Variants in GPC6 observed in about 807,000 individuals in gnomAD.
GPC6 encodes glypican 6, also known as glypican-6.
Under a neutral mutation model 55.2 loss-of-function variants are expected in GPC6, and 14 were observed. The observed-to-expected ratio is 0.25, with a 90% CI of 0.17 to 0.40. The LOEUF is 0.40. Among genes scored for constraint, GPC6 ranks in the 10% least tolerant of loss-of-function variants. GPC6 has a pLI of 1.00. For synonymous variants in GPC6, 278 were observed against 259.6 expected (o/e 1.07, Z -0.68); for missense variants, 641 against 708.5 (o/e 0.90, Z 1.08).
intron 2 of GPC6, among the ~76,000 whole-genome samples, chr13:93,644,263 A>C (rs1429203892): frequency 6.6e-6 from 1 of 152,082 alleles, no homozygotes; most frequent in Non-Finnish European, 1.5e-5. Context: ...AAAAATGCTA[A>C]ATAAGGTCAT....
intron 6 of GPC6, among the ~76,000 whole-genome samples, chr13:94,329,569 G>A (rs1480971428): frequency 6.6e-6 from 1 of 152,198 alleles, no homozygotes; most frequent in Non-Finnish European, 1.5e-5. Context: ...AGGATCTGCA[G>A]ACAGTGAGAA....
chr13:93,700,642 T>C (rs961048279), intron 2 of GPC6, among the ~76,000 whole-genome samples: 7 of 152,146 alleles, frequency 4.6e-5, no homozygotes, highest in African/African-American at 9.6e-5. Flanking sequence ...GAGTAAGGTT[T>C]GATCTTACAT....
At chr13:93,474,573 C>T (rs1016440673) in intron 1 of GPC6, among the ~76,000 whole-genome samples, 1 of 152,158 alleles carries the variant, frequency 6.6e-6, no homozygotes, top group Admixed American at 6.5e-5. Context: ...TTGGTCCTAC[C>T]TTCTGGAACC....
chr13:93,905,288 G>T (rs1876605070), intron 3 of GPC6, among the ~76,000 whole-genome samples: 1 of 152,058 alleles, frequency 6.6e-6, no homozygotes, highest in Admixed American at 6.6e-5. Flanking sequence ...TGGATAAGTA[G>T]TTTAACCTTA....
intron 4 of GPC6, among the ~76,000 whole-genome samples, chr13:94,184,693 G>T (rs892650810): frequency 6.6e-6 from 1 of 152,158 alleles, no homozygotes; most frequent in African/African-American, 2.4e-5. Flanking sequence ...CTGTCGGTGG[G>T]AATGTAAATT....
Position 94,157,750 on chromosome 13 carries a change from T to G in GPC6, c.878-128599T>G, listed in dbSNP as rs576179283. On this transcript the variant is annotated intron_variant, in intron 4 of 8. Coordinates refer to ENST00000377047, the MANE Select transcript of GPC6 (RefSeq NM_005708.5). Reference sequence around the variant, plus strand: ...CCTAACAGCAGTGTGCACACTACACTGGAGGAATGAAAACTGGAAGGCAGG... The same window carrying G: ...CCTAACAGCAGTGTGCACACTACACGGGAGGAATGAAAACTGGAAGGCAGG... 3.9e-5 allele frequency among the ~76,000 whole-genome samples: 6 copies of G among 152,198 alleles called. No individual in the cohort carries two copies. The South Asian group carries it at 1.2e-3, about 32-fold the overall frequency.
intron 1 of GPC6, among the ~76,000 whole-genome samples, chr13:93,448,284 A>G (rs1878087892): frequency 6.6e-6 from 1 of 152,200 alleles, no homozygotes; most frequent in African/African-American, 2.4e-5. Flanking sequence ...TCCTTACATT[A>G]TTCAATAGAA....
chr13:93,904,482 A>G (rs1876528575), intron 3 of GPC6, among the ~76,000 whole-genome samples: 2 of 152,218 alleles, frequency 1.3e-5, no homozygotes, highest in Admixed American at 6.5e-5. Flanking sequence ...CAGAAGTGGA[A>G]AAACTTAACT....
chr13:93,883,874 A>G (rs1307648956), intron 3 of GPC6, among the ~76,000 whole-genome samples: 1 of 152,182 alleles, frequency 6.6e-6, no homozygotes, highest in Non-Finnish European at 1.5e-5. Flanking sequence ...AAATATATTT[A>G]CTAAGCACAG....
At chr13:93,499,982 C>T (rs548726236) in intron 1 of GPC6, among the ~76,000 whole-genome samples, 3 of 152,284 alleles carry the variant, frequency 2.0e-5, no homozygotes, top group Admixed American at 2.0e-4. Context: ...GACAATCTTA[C>T]ACACTCTTCA....
chr13:93,755,525 T>C (rs561335297), intron 2 of GPC6, among the ~76,000 whole-genome samples: 36 of 152,348 alleles, frequency 2.4e-4, no homozygotes, highest in Admixed American at 1.8e-3. Context: ...CTCATGGATT[T>C]GATCCCTTTT....
intron 2 of GPC6, among the ~76,000 whole-genome samples, chr13:93,789,507 C>CTA (rs1261981887): frequency 0.01 from 905 of 89,930 alleles, 29 homozygotes; most frequent in East Asian, 0.06. Flanking sequence ...CTCTCTCTCT[C>CTA]TCTATATATA....
chr13:93,715,066 A>C (rs866443763), intron 2 of GPC6, among the ~76,000 whole-genome samples: 1 of 151,628 alleles, frequency 6.6e-6, no homozygotes, highest in Non-Finnish European at 1.5e-5. Context: ...TCTTTACTGT[A>C]TCCTGTCTTA....
At chr13:94,351,673 T>A (rs1425289758) in intron 6 of GPC6, among the ~76,000 whole-genome samples, 4 of 152,048 alleles carry the variant, frequency 2.6e-5, no homozygotes, top group African/African-American at 9.7e-5. Context: ...TGTGGCTATG[T>A]CATGGATCTG....
chr13:93,736,951 A>C (rs574066993), intron 2 of GPC6, among the ~76,000 whole-genome samples: 1 of 152,322 alleles, frequency 6.6e-6, no homozygotes, highest in East Asian at 1.9e-4. Context: ...TAAGCTTTGT[A>C]TAGTTTTATG....
rs554519096 is a variant in GPC6, at chr13:93,765,065, C to T, written c.320-65089C>T. On this transcript the variant is annotated intron_variant, in intron 2 of 8. Transcript: ENST00000377047. ...CCACCCTCCTCAGCCTCCCAAAGTGCTGGGATTACAGGCGTGAGCCACCGG... is the reference window on the plus strand; with the variant it reads ...CCACCCTCCTCAGCCTCCCAAAGTGTTGGGATTACAGGCGTGAGCCACCGG... Among the ~76,000 whole-genome samples, 6 of 152,304 alleles carry T rather than the reference C, an allele frequency of 3.9e-5. No homozygotes were observed. The South Asian group carries it at 1.2e-3, about 32-fold the overall frequency.
chr13:94,287,960 C>T (rs893001131), intron 5 of GPC6, among the ~76,000 whole-genome samples: 12 of 152,142 alleles, frequency 7.9e-5, no homozygotes, highest in Admixed American at 2.0e-4. Flanking sequence ...TCCATTGGTG[C>T]GTGTGCATAC....
chr13:93,633,253 C>CT (rs1879536760), intron 2 of GPC6, among the ~76,000 whole-genome samples: 1 of 152,170 alleles, frequency 6.6e-6, no homozygotes, highest in Non-Finnish European at 1.5e-5. Context: ...TCATGGGACA[C>CT]TGACTATTGT....
chr13:94,337,894 C>A (rs941141219), intron 6 of GPC6, among the ~76,000 whole-genome samples: 1 of 152,198 alleles, frequency 6.6e-6, no homozygotes, highest in African/African-American at 2.4e-5. Flanking sequence ...CCCTCCTCTT[C>A]ACGCCTGTGC....
Sources: gnomAD v4.1 joint callset for allele counts (sites outside exome capture counted in the v4.1 genomes callset) on GRCh38, gnomAD v4.1.1 for gene constraint, MANE v1.5 for transcripts, NCBI Gene and HGNC (gene_info 2026-07-23, HGNC 2026-07-21) for gene names.